The following PRUNE2 variants were observed in gnomAD, a reference collection of about 807,000 sequenced individuals.
PRUNE2 encodes the protein protein prune homolog 2.
A neutral mutation model predicts 252.0 loss-of-function variants in PRUNE2; 164 were observed. The ratio of observed to expected loss-of-function variants is 0.65; its 90% CI spans 0.57 to 0.74. The LOEUF (loss-of-function observed/expected upper bound fraction) is 0.74, where lower values mean the gene tolerates loss of function less well. PRUNE2 is among the 30% of genes least tolerant of loss of function. PRUNE2 has a pLI of 0.00. For missense variants in PRUNE2, 3,495 were observed against 3,711.0 expected (o/e 0.94, Z 1.51); for synonymous variants, 1,292 against 1,350.2 (o/e 0.96, Z 0.94).
chr9:76,782,897 C>G (rs1173124140), intron 6 of PRUNE2: 1 of 152,214 alleles, frequency 6.6e-6, no homozygotes, highest in Admixed American at 6.5e-5. Context: ...AACCATATAC[C>G]TGCTATTCGC....
intron 6 of PRUNE2, among the ~76,000 whole-genome samples, chr9:76,817,233 A>G (rs1268418861): frequency 6.6e-6 from 1 of 152,152 alleles, no homozygotes; most frequent in Admixed American, 6.5e-5. Flanking sequence ...AATTCTAATT[A>G]GTCTTGCATG....
intron 1 of PRUNE2, among the ~76,000 whole-genome samples, chr9:76,868,185 A>T (rs1416717298): frequency 6.6e-6 from 1 of 152,190 alleles, no homozygotes; most frequent in East Asian, 1.9e-4. Flanking sequence ...CAGTACATAC[A>T]TGACAGGCAG....
chr9:76,621,939 G>C (rs975439267), intron 17 of PRUNE2, among the ~76,000 whole-genome samples: 2 of 152,052 alleles, frequency 1.3e-5, no homozygotes, highest in Non-Finnish European at 2.9e-5. Context: ...TCCCCACTCA[G>C]CCTCCCAAAG....
intron 6 of PRUNE2, among the ~76,000 whole-genome samples, chr9:76,735,991 C>T (rs1387558388): frequency 6.6e-6 from 1 of 152,176 alleles, no homozygotes; most frequent in Non-Finnish European, 1.5e-5. Flanking sequence ...TAAGAACATA[C>T]AAGGAAATTT....
chr9:76,837,144 TAA>T (rs34876471), intron 4 of PRUNE2, among the ~76,000 whole-genome samples: 7 of 151,778 alleles, frequency 4.6e-5, no homozygotes, highest in Admixed American at 2.0e-4. Flanking sequence ...TAAAGCTGAT[TAA>T]AAAAATGAAG....
At chr9:76,868,250 T>C (rs938335991) in intron 1 of PRUNE2, among the ~76,000 whole-genome samples, 1 of 152,090 alleles carries the variant, frequency 6.6e-6, no homozygotes, top group Admixed American at 6.5e-5. Flanking sequence ...GAGAAAAACA[T>C]CCAAAATAAC....
chr9:76,768,363 T>G (rs1161413551), intron 6 of PRUNE2, among the ~76,000 whole-genome samples: 1 of 152,118 alleles, frequency 6.6e-6, no homozygotes, highest in African/African-American at 2.4e-5. Context: ...CAGTTAATTT[T>G]TGTATTTTTA....
At chr9:76,872,435 A>T (rs563590253) in intron 1 of PRUNE2, among the ~76,000 whole-genome samples, 13 of 152,232 alleles carry the variant, frequency 8.5e-5, no homozygotes, top group African/African-American at 3.1e-4. Context: ...AGGAGCCATT[A>T]ATTGCCCTAA....
In PRUNE2 at chr9:76,780,664, C is replaced by A. The variant is rs185796905; in HGVS notation, c.756+42968G>T. ...TGAGATCGCCCCACTGCACTCCAGC[C>A]TGGGCGACAGAGCAAGACTCCGTCT... On this transcript the variant is annotated intron_variant, in intron 6 of 18. Transcript: ENST00000376718. 3.0e-3 allele frequency among the ~76,000 whole-genome samples: 454 copies of A among 152,318 alleles called. 6 individuals carry two copies. Among genetic ancestry groups the A allele is most frequent in the African/African-American group, 0.011 (442 of 41,558 alleles).
intron 6 of PRUNE2, among the ~76,000 whole-genome samples, chr9:76,750,909 T>C (rs575095424): frequency 6.6e-6 from 1 of 152,306 alleles, no homozygotes; most frequent in African/African-American, 2.4e-5. Flanking sequence ...TGTGGGAATG[T>C]GGACTGGGAT....
At chr9:76,691,935 T>G in intron 9 of PRUNE2, 1 of 633,324 alleles carries the variant, frequency 1.6e-6, no homozygotes, top group Admixed American at 2.6e-5. Flanking sequence ...CTGGGCAGAA[T>G]TCGGCATCCT....
chr9:76,678,183 C>T (rs1470316776), intron 9 of PRUNE2, among the ~76,000 whole-genome samples: 1 of 151,916 alleles, frequency 6.6e-6, no homozygotes, highest in African/African-American at 2.4e-5. Flanking sequence ...AAAACCCCGT[C>T]TCTACTAAAA....
At chr9:76,792,396 G>A (rs1305529023) in intron 6 of PRUNE2, among the ~76,000 whole-genome samples, 4 of 152,160 alleles carry the variant, frequency 2.6e-5, no homozygotes, top group South Asian at 4.2e-4. Context: ...ACCCAATCTC[G>A]GGTATGTCCT....
At chr9:76,616,670 C>T (rs751036372) in intron 18 of PRUNE2, among the ~76,000 whole-genome samples, 53 of 151,954 alleles carry the variant, frequency 3.5e-4, no homozygotes, top group Non-Finnish European at 6.2e-4. Context: ...ACCTGTTTAC[C>T]CAGTTTATGA....
At position 76,705,390 on chromosome 9, in the gene PRUNE2, C is replaced by T. The variant is rs1261566765; in HGVS notation, c.6884G>A (p.Ser2295Asn). 1.2e-6 allele frequency: 2 copies of T among 1,613,860 alleles called. No homozygotes were observed. The highest frequency in any genetic ancestry group is 2.7e-5 in the African/African-American group (2 of 74,918). Reference sequence around the variant, plus strand: ...GAAACTGTGGTCAAAGGCAGCTTCGCTTATATCCAGACAAGTGTCTGAGGC... The same window carrying T: ...GAAACTGTGGTCAAAGGCAGCTTCGTTTATATCCAGACAAGTGTCTGAGGC... ...LLASDTCLDI[S>N]EAAFDHSFSD... The change falls in exon 8 of 19, where the codon AGC becomes AAC. Residue 2295 changes from serine to asparagine, a missense_variant. Physicochemically the swap from Ser to Asn is conservative, Grantham distance 46. Transcript: ENST00000376718.
At chr9:76,787,389 G>C (rs887082119) in intron 6 of PRUNE2, 2 of 151,772 alleles carry the variant, frequency 1.3e-5, no homozygotes, top group African/African-American at 4.8e-5. Flanking sequence ...AGTGATTCGG[G>C]GGGTGGGAGA....
At chr9:76,818,910 C>T (rs2057860542) in intron 6 of PRUNE2, among the ~76,000 whole-genome samples, 1 of 152,130 alleles carries the variant, frequency 6.6e-6, no homozygotes, top group Non-Finnish European at 1.5e-5. Flanking sequence ...ACTCTCAGCA[C>T]CTCAAAATGT....
chr9:76,637,009 G>A (rs10781368), intron 14 of PRUNE2, among the ~76,000 whole-genome samples: 18,587 of 150,258 alleles, frequency 0.12, 2,608 homozygotes, highest in African/African-American at 0.34. Flanking sequence ...GTGTGTGTGT[G>A]TATAATTTTA....
chr9:76,837,747 G>A (rs1033781846), intron 4 of PRUNE2, among the ~76,000 whole-genome samples: 10 of 150,384 alleles, frequency 6.6e-5, no homozygotes, highest in East Asian at 5.9e-4. Context: ...CAGGAAGCTC[G>A]TATCCAAAGT....
Sources: allele counts gnomAD v4.1 joint callset (sites outside exome capture counted in the v4.1 genomes callset), GRCh38; gene constraint gnomAD v4.1.1; transcripts MANE v1.5; gene names NCBI Gene and HGNC (gene_info 2026-07-23, HGNC 2026-07-21).